The following DACH1 variants were observed in gnomAD, a reference collection of about 807,000 sequenced individuals.
The protein encoded by DACH1 is dachshund family transcription factor 1.
DACH1 carries 12 observed loss-of-function variants against 54.2 expected under a neutral mutation model. The ratio of observed to expected loss-of-function variants is 0.22; its 90% confidence interval spans 0.14 to 0.36. The LOEUF (loss-of-function observed/expected upper bound fraction) is 0.36, where lower values mean the gene tolerates loss of function less well. Among genes scored for constraint, DACH1 ranks in the 10% least tolerant of loss-of-function variants. The probability of loss-of-function intolerance (pLI) is 1.00; values close to 1 mark genes in which losing one functional copy is unlikely to be tolerated. For missense variants in DACH1, 805 were observed against 929.8 expected, an observed-to-expected ratio of 0.87 and a Z score of 1.75; for synonymous variants, 386 against 366.2, an observed-to-expected ratio of 1.05 and a Z score of -0.62.
chr13:71,846,183 TC>T, intron 1 of DACH1: 1 of 224,214 alleles, frequency 4.5e-6, no homozygotes, highest in Non-Finnish European at 9.6e-6. Flanking sequence ...ACCAAACAAA[TC>T]CAGAGTTATC....
At chr13:71,865,832 A>T in intron 1 of DACH1, 90 bp downstream of exon 1, 1 of 1,337,550 alleles carries the variant, frequency 7.5e-7, no homozygotes, top group Non-Finnish European at 9.5e-7. Context: ...GCGGGCGCGC[A>T]GAGCGAGCGG....
At chr13:71,830,350 G>T (rs779900256) in intron 1 of DACH1, among the ~76,000 whole-genome samples, 15 of 151,822 alleles carry the variant, frequency 9.9e-5, no homozygotes, top group Non-Finnish European at 1.6e-4. Context: ...CAGAGCTTTT[G>T]TTCTTTCAGC....
chr13:71,803,515 T>A (rs920302459), intron 1 of DACH1, among the ~76,000 whole-genome samples: 1 of 152,160 alleles, frequency 6.6e-6, no homozygotes, highest in African/African-American at 2.4e-5. Flanking sequence ...ATTTGCAAAT[T>A]TCTCAAGCTT....
rs1884037834 is a variant in DACH1, at chr13:71,735,477, A to ACG, written c.849-53569_849-53568dup. The stretch of plus-strand genomic sequence containing the variant: ...TGGGATATACACGTATACGGGATAT[A>ACG]CGTGTATATGGGATATACACGTATA... On this transcript the variant is annotated intron_variant, in intron 1 of 10. Transcript: ENST00000613252. 2.3e-4 allele frequency among the ~76,000 whole-genome samples: 8 copies of ACG among 35,330 alleles called. 4 individuals are homozygous for ACG. Among genetic ancestry groups the ACG allele is most frequent in the South Asian group, 1.7e-3 (2 of 1,174 alleles). 23.2% of individuals were successfully genotyped at this position (35,330 alleles called of 152,430 possible). A position where few individuals can be genotyped will look rare whatever the true frequency, so the allele number is the denominator to read the frequency against.
At chr13:71,755,762 C>A (rs1432290126) in intron 1 of DACH1, among the ~76,000 whole-genome samples, 2 of 152,134 alleles carry the variant, frequency 1.3e-5, no homozygotes, top group African/African-American at 2.4e-5. Context: ...CAAACTAAAT[C>A]AAGTCTGTCC....
intron 1 of DACH1, among the ~76,000 whole-genome samples, chr13:71,781,046 G>A (rs1365379698): frequency 6.6e-6 from 1 of 152,072 alleles, no homozygotes; most frequent in African/African-American, 2.4e-5. Flanking sequence ...AAGGTGGGAG[G>A]ATCACTTGAG....
chr13:71,616,292 T>C (rs1292139795), intron 3 of DACH1, among the ~76,000 whole-genome samples: 1 of 152,142 alleles, frequency 6.6e-6, no homozygotes, highest in African/African-American at 2.4e-5. Context: ...AAGGAAATGA[T>C]GCATGCATGA....
At chr13:71,740,562 T>C (rs1884337849) in intron 1 of DACH1, among the ~76,000 whole-genome samples, 1 of 152,124 alleles carries the variant, frequency 6.6e-6, no homozygotes, top group South Asian at 2.1e-4. Context: ...GTGATTGTGC[T>C]TCAAAGAAAA....
chr13:71,746,602 C>T (rs2137962455), intron 1 of DACH1, among the ~76,000 whole-genome samples: 1 of 152,246 alleles, frequency 6.6e-6, no homozygotes, highest in Admixed American at 6.5e-5. Context: ...CTTTGCTGTG[C>T]TCAGTGTTAG....
At chr13:71,742,010 G>T (rs1311267035) in intron 1 of DACH1, among the ~76,000 whole-genome samples, 1 of 152,170 alleles carries the variant, frequency 6.6e-6, no homozygotes, top group Non-Finnish European at 1.5e-5. Context: ...TGGGAAGGAT[G>T]CAGGGGGAGG....
chr13:71,573,792 G>A (rs184684544), intron 3 of DACH1, among the ~76,000 whole-genome samples: 2 of 151,796 alleles, frequency 1.3e-5, no homozygotes, highest in South Asian at 2.1e-4. Flanking sequence ...TATATATTCC[G>A]GCAACATTTA....
chr13:71,858,923 C>G (rs1485091005), intron 1 of DACH1, among the ~76,000 whole-genome samples: 1 of 151,538 alleles, frequency 6.6e-6, no homozygotes, highest in Non-Finnish European at 1.5e-5. Flanking sequence ...CTCTGTATCT[C>G]TCTCTCTGTG....
At chr13:71,696,582 T>C (rs1271743752) in intron 1 of DACH1, among the ~76,000 whole-genome samples, 4 of 152,058 alleles carry the variant, frequency 2.6e-5, no homozygotes, top group Non-Finnish European at 5.9e-5. Context: ...AATTTCACTC[T>C]TGTTGCCTAG....
At chr13:71,839,575 C>G (rs1039969266) in intron 1 of DACH1, among the ~76,000 whole-genome samples, 1 of 151,898 alleles carries the variant, frequency 6.6e-6, no homozygotes, top group Non-Finnish European at 1.5e-5. Context: ...CCACTGCACT[C>G]CAGCCTGGGC....
chr13:71,690,094 T>C (rs907589930), intron 1 of DACH1, among the ~76,000 whole-genome samples: 1 of 152,158 alleles, frequency 6.6e-6, no homozygotes, highest in Admixed American at 6.5e-5. Context: ...ACATCCATGG[T>C]AAATGTCCCT....
chr13:71,681,242 T>A (rs1880880306), intron 2 of DACH1, among the ~76,000 whole-genome samples: 1 of 152,214 alleles, frequency 6.6e-6, no homozygotes, highest in African/African-American at 2.4e-5. Flanking sequence ...ATGGAGCTTA[T>A]GAAGTCAAGA....
chr13:71,597,157 T>C (rs977493856), intron 3 of DACH1, among the ~76,000 whole-genome samples: 19 of 152,160 alleles, frequency 1.2e-4, no homozygotes, highest in Admixed American at 1.2e-3. Context: ...ATTGAGGGTT[T>C]TTCTGAGCTA....
intron 1 of DACH1, among the ~76,000 whole-genome samples, chr13:71,803,031 A>G (rs1286946623): frequency 6.6e-6 from 1 of 152,182 alleles, no homozygotes; most frequent in Non-Finnish European, 1.5e-5. Context: ...TGTTTGTCAT[A>G]ATAACTTGTG....
At chr13:71,814,277 C>G (rs926922055) in intron 1 of DACH1, among the ~76,000 whole-genome samples, 4 of 152,152 alleles carry the variant, frequency 2.6e-5, no homozygotes, top group African/African-American at 9.7e-5. Context: ...CTTAGCTTAG[C>G]TACATAACCA....
Sources: gnomAD v4.1 joint callset for allele counts (sites outside exome capture counted in the v4.1 genomes callset) on GRCh38, gnomAD v4.1.1 for gene constraint, MANE v1.5 for transcripts, NCBI Gene and HGNC (gene_info 2026-07-23, HGNC 2026-07-21) for gene names.